The following SNTG1 variants were observed in gnomAD, a reference collection of about 807,000 sequenced individuals.
SNTG1 encodes syntrophin gamma 1, also known as gamma-1-syntrophin.
A neutral mutation model predicts 74.7 loss-of-function variants in SNTG1; 39 were observed. The observed-to-expected ratio is 0.52, with a 90% CI of 0.40 to 0.68. The LOEUF is 0.68. Ranked by LOEUF, SNTG1 falls within the 30% of genes least tolerant of loss-of-function variation. The probability of loss-of-function intolerance (pLI) is 0.00; values close to 1 mark genes in which losing one functional copy is unlikely to be tolerated. For missense variants in SNTG1, 685 were observed against 609.5 expected (o/e 1.12, Z -1.30); for synonymous variants, 254 against 217.1 (o/e 1.17, Z -1.49).
rs564946660 is a variant in SNTG1, at chr8:49,932,264, A to G, written c.-103+20033A>G. Reference sequence around the variant, plus strand: ...TCAAACACATTTGTTGAGTGAGTGAAGGTCTAACATTTTAAAGAAAATTAA... The same window carrying G: ...TCAAACACATTTGTTGAGTGAGTGAGGGTCTAACATTTTAAAGAAAATTAA... On this transcript the variant is annotated intron_variant, in intron 1 of 18. Transcript: ENST00000642720. Among the ~76,000 whole-genome samples, 213 of 152,238 alleles carry G rather than the reference A, an allele frequency of 1.4e-3. 2 individuals carry two copies. Among genetic ancestry groups the G allele is most frequent in the African/African-American group, 4.8e-3 (199 of 41,544 alleles).
chr8:50,302,422 T>C (rs554107164), intron 2 of SNTG1, among the ~76,000 whole-genome samples: 4 of 152,290 alleles, frequency 2.6e-5, no homozygotes, highest in Non-Finnish European at 4.4e-5. Context: ...TTAAAGGTTT[T>C]TTTTTCATAC....
intron 12 of SNTG1, among the ~76,000 whole-genome samples, chr8:50,556,024 A>G (rs1366427259): frequency 6.6e-6 from 1 of 152,176 alleles, no homozygotes; most frequent in East Asian, 1.9e-4. Context: ...TTTCATACCC[A>G]GTTTTTAAAA....
Position 50,762,652 on chromosome 8 carries a change from G to GT in SNTG1, c.1395+10542dup, listed in dbSNP as rs1393034137. 4.6e-5 allele frequency: 21 copies of GT among 457,796 alleles called. No individual in the cohort carries two copies. In the Admixed American group the frequency reaches 4.6e-4, roughly 10 times the overall value. The allele number at this position is 457,796 out of a possible 1,614,324, so 28.4% of individuals were successfully genotyped here. On this transcript the variant is annotated intron_variant, in intron 18 of 18. Coordinates refer to ENST00000642720, the MANE Select transcript of SNTG1 (RefSeq NM_018967.5). ...TGCCTTTGTTCTTATTAGCATCTGT[G>GT]TAAGAGAATCCAACAGCCTGACCTG...
At chr8:50,522,310 G>C (rs1554558439) in intron 9 of SNTG1, among the ~76,000 whole-genome samples, 1 of 151,506 alleles carries the variant, frequency 6.6e-6, no homozygotes, top group Non-Finnish European at 1.5e-5. Context: ...TGTGTTTCAG[G>C]GTGTGTGTGT....
intron 1 of SNTG1, among the ~76,000 whole-genome samples, chr8:49,999,637 C>A (rs1814563998): frequency 6.6e-6 from 1 of 152,164 alleles, no homozygotes; most frequent in African/African-American, 2.4e-5. Flanking sequence ...TGCCAGAACA[C>A]TCTTCCCCCA....
chr8:50,456,122 C>G (rs558819305), intron 8 of SNTG1, among the ~76,000 whole-genome samples: 4 of 152,264 alleles, frequency 2.6e-5, no homozygotes, highest in Admixed American at 1.3e-4. Flanking sequence ...TGCATTAATA[C>G]TTTTAGGGAT....
intron 2 of SNTG1, among the ~76,000 whole-genome samples, chr8:50,390,562 G>A (rs1232603330): frequency 6.6e-6 from 1 of 152,168 alleles, no homozygotes; most frequent in Non-Finnish European, 1.5e-5. Context: ...GCTCTTGTTT[G>A]CTTCCATATG....
intron 18 of SNTG1, among the ~76,000 whole-genome samples, chr8:50,768,673 C>G (rs1459758092): frequency 3.9e-5 from 6 of 151,956 alleles, no homozygotes; most frequent in African/African-American, 1.2e-4. Flanking sequence ...TTCCAAGATC[C>G]CTTTCCCTCT....
chr8:50,701,618 C>CTTCTTCTTCTTCTTCCTCTT (rs201341360), intron 15 of SNTG1, among the ~76,000 whole-genome samples: 7 of 136,982 alleles, frequency 5.1e-5, no homozygotes, highest in Non-Finnish European at 6.0e-5. Context: ...TCTTCTTCTT[C>CTTCTTCTTCTTCTTCCTCTT]GTGTTCCTCT....
At chr8:50,712,555 G>C (rs571457398) in intron 17 of SNTG1, among the ~76,000 whole-genome samples, 117 of 152,130 alleles carry the variant, frequency 7.7e-4, no homozygotes, top group Admixed American at 3.1e-3. Context: ...TGTTACATAG[G>C]TATATATGTG....
At chr8:50,720,868 T>C (rs139929020) in intron 17 of SNTG1, among the ~76,000 whole-genome samples, 5 of 152,228 alleles carry the variant, frequency 3.3e-5, no homozygotes, top group African/African-American at 1.2e-4. Context: ...TTGTTGTTTT[T>C]GTTTTTTACC....
intron 1 of SNTG1, among the ~76,000 whole-genome samples, chr8:50,013,267 A>T (rs1815987192): frequency 6.6e-6 from 1 of 152,134 alleles, no homozygotes; most frequent in African/African-American, 2.4e-5. Context: ...AGAAGACTGC[A>T]AAGATTAAGA....
chr8:50,330,432 A>G (rs747629385), intron 2 of SNTG1, among the ~76,000 whole-genome samples: 1 of 152,118 alleles, frequency 6.6e-6, no homozygotes, highest in Non-Finnish European at 1.5e-5. Flanking sequence ...CATCATCCGC[A>G]TTTTGGTCAA....
At position 50,739,289 on chromosome 8, in the gene SNTG1, A is replaced by G. The variant is rs148574365; in HGVS notation, c.1285-12712A>G. ...GACACTCTCAAAAAAAGACATTTAT[A>G]TAGCCAACAAGCATATGAAAAAAAG... On this transcript the variant is annotated intron_variant, in intron 17 of 18. Coordinates refer to ENST00000642720, the MANE Select transcript of SNTG1 (RefSeq NM_018967.5). Among the ~76,000 whole-genome samples the G allele has an allele frequency of 2.9e-3, 437 of 152,162 alleles. 5 individuals are homozygous for G. Among genetic ancestry groups the G allele is most frequent in the African/African-American group, 8.0e-3 (332 of 41,558 alleles).
intron 2 of SNTG1, among the ~76,000 whole-genome samples, chr8:50,260,102 A>T (rs1397193060): frequency 6.6e-6 from 1 of 152,200 alleles, no homozygotes. Flanking sequence ...CACCTGGGAC[A>T]TTCTGTTCTT....
At chr8:50,523,789 A>G (rs955205210) in intron 9 of SNTG1, among the ~76,000 whole-genome samples, 4 of 152,202 alleles carry the variant, frequency 2.6e-5, no homozygotes, top group Non-Finnish European at 1.5e-5. Context: ...GCTATTATAA[A>G]AACAGCATAT....
chr8:50,330,603 A>G (rs2090925658), intron 2 of SNTG1, among the ~76,000 whole-genome samples: 2 of 152,144 alleles, frequency 1.3e-5, no homozygotes, highest in South Asian at 4.1e-4. Flanking sequence ...CCCAGTACCA[A>G]TTTACTATAT....
intron 2 of SNTG1, among the ~76,000 whole-genome samples, chr8:50,267,145 T>C (rs1335344551): frequency 6.6e-6 from 1 of 152,170 alleles, no homozygotes; most frequent in Non-Finnish European, 1.5e-5. Flanking sequence ...CTTTCAGATG[T>C]TTACAGGTTT....
intron 18 of SNTG1, among the ~76,000 whole-genome samples, chr8:50,783,063 A>G (rs1400624357): frequency 2.6e-5 from 4 of 152,066 alleles, no homozygotes; most frequent in African/African-American, 9.6e-5. Context: ...TTCCTCTGAT[A>G]GTTTTGTCTC....
Sources: allele counts gnomAD v4.1 joint callset (sites outside exome capture counted in the v4.1 genomes callset), GRCh38; gene constraint gnomAD v4.1.1; transcripts MANE v1.5; gene names NCBI Gene and HGNC (gene_info 2026-07-23, HGNC 2026-07-21).